Variants in VMP1 observed in about 807,000 individuals in gnomAD.
VMP1 encodes the protein vacuole membrane protein 1.
Under a neutral mutation model 56.0 loss-of-function variants are expected in VMP1, and 11 were observed. The observed-to-expected ratio is 0.20, with a 90% CI of 0.12 to 0.32. The LOEUF (loss-of-function observed/expected upper bound fraction) is 0.32. Ranked by LOEUF, VMP1 falls within the 10% of genes least tolerant of loss-of-function variation. The pLI is 1.00. For synonymous variants in VMP1, 149 were observed against 165.0 expected, an observed-to-expected ratio of 0.90 and a Z score of 0.74; for missense variants, 296 against 490.3, an observed-to-expected ratio of 0.60 and a Z score of 3.74.
intron 7 of VMP1, among the ~76,000 whole-genome samples, chr17:59,779,330 G>C (rs543890181): frequency 9.8e-5 from 15 of 152,294 alleles, no homozygotes; most frequent in Admixed American, 7.8e-4. Flanking sequence ...TTTGTCTAGA[G>C]ACTATGTCTC....
chr17:59,722,280 G>A (rs1441942813), intron 1 of VMP1, among the ~76,000 whole-genome samples: 1 of 152,134 alleles, frequency 6.6e-6, no homozygotes. Flanking sequence ...AAAGGTGGAT[G>A]GTAAGATGAT....
intron 6 of VMP1, 37 bp from the exon 7 acceptor site, chr17:59,773,717 C>T (rs2036520299): frequency 6.4e-7 from 1 of 1,556,426 alleles, no homozygotes; most frequent in Non-Finnish European, 8.7e-7. Context: ...CTGTTGATAA[C>T]AGAACCTCAT....
At chr17:59,754,664 G>A (rs1370719964) in intron 5 of VMP1, among the ~76,000 whole-genome samples, 2 of 152,122 alleles carry the variant, frequency 1.3e-5, no homozygotes, top group Non-Finnish European at 2.9e-5. Context: ...ACTCAGTGCT[G>A]TTTCAGGAAG....
rs1266126346 is a variant in VMP1 at position 59,738,857 on chromosome 17, A to G, written c.324A>G (p.Lys108=). 3 of 1,612,762 alleles carry G rather than the reference A, an allele frequency of 1.9e-6. No homozygotes were observed. The highest frequency in any genetic ancestry group is 4.5e-5 in the East Asian group (2 of 44,694). Residue 108 remains lysine, a synonymous_variant, in exon 5 of 12, where the codon AAA becomes AAG. Transcript: ENST00000262291. ...TTCAGTATGTGCAACGTATAGAGAA[A>G]CAGTTTCTTTTGTATGCCTACTGGA... The part of the protein sequence containing the change: ...VHQQYVQRIE[K]QFLLYAYWIG...
chr17:59,758,492 TG>T (rs1331119519), intron 5 of VMP1, among the ~76,000 whole-genome samples: 1 of 151,936 alleles, frequency 6.6e-6, no homozygotes, highest in Non-Finnish European at 1.5e-5. Flanking sequence ...GAGACCAGCC[TG>T]GACAACATAG....
chr17:59,783,848 C>CA (rs1159626136), intron 7 of VMP1, among the ~76,000 whole-genome samples: 1 of 152,078 alleles, frequency 6.6e-6, no homozygotes. Flanking sequence ...TTTTTTATCC[C>CA]AATCTTTTCC....
intron 10 of VMP1, among the ~76,000 whole-genome samples, chr17:59,823,972 A>G (rs1054798347): frequency 1.3e-5 from 2 of 152,218 alleles, no homozygotes; most frequent in African/African-American, 4.8e-5. Context: ...AGAATGAAAA[A>G]TGAATCCCGG....
intron 1 of VMP1, among the ~76,000 whole-genome samples, chr17:59,722,640 A>G (rs939136796): frequency 6.6e-6 from 1 of 152,194 alleles, no homozygotes; most frequent in Non-Finnish European, 1.5e-5. Context: ...CAGGAGTTGA[A>G]GACTAGCGTG....
At chr17:59,792,336 A>G (rs955003227) in intron 7 of VMP1, among the ~76,000 whole-genome samples, 1 of 152,106 alleles carries the variant, frequency 6.6e-6, no homozygotes, top group African/African-American at 2.4e-5. Flanking sequence ...ATTTCCCATA[A>G]TAGAGAAGTT....
At chr17:59,801,262 G>T (rs1323093926) in intron 7 of VMP1, among the ~76,000 whole-genome samples, 1 of 151,280 alleles carries the variant, frequency 6.6e-6, no homozygotes, top group Non-Finnish European at 1.5e-5. Flanking sequence ...GTATGTTGAA[G>T]GGGGAGATCA....
intron 5 of VMP1, among the ~76,000 whole-genome samples, chr17:59,757,343 A>T (rs2035881234): frequency 6.6e-6 from 1 of 152,090 alleles, no homozygotes; most frequent in African/African-American, 2.4e-5. Context: ...TTTGAATTCT[A>T]AGTTTCTCTT....
At chr17:59,798,846 A>T (rs146395422) in intron 7 of VMP1, among the ~76,000 whole-genome samples, 2,191 of 152,338 alleles carry the variant, frequency 0.014, 46 homozygotes, top group African/African-American at 0.049. Flanking sequence ...AGATTGTGCC[A>T]TTACACTCCA....
intron 4 of VMP1, among the ~76,000 whole-genome samples, 195 bp downstream of exon 4, chr17:59,737,738 A>G (rs992165230): frequency 6.6e-6 from 1 of 151,936 alleles, no homozygotes; most frequent in Non-Finnish European, 1.5e-5. Flanking sequence ...CTGAGGATTT[A>G]TATGTGGTGT....
At chr17:59,829,756 A>G (rs2038754102) in intron 10 of VMP1, among the ~76,000 whole-genome samples, 1 of 152,080 alleles carries the variant, frequency 6.6e-6, no homozygotes, top group Non-Finnish European at 1.5e-5. Context: ...CCTCTTTTGT[A>G]CATATAACAG....
At chr17:59,799,158 T>C (rs2037550599) in intron 7 of VMP1, among the ~76,000 whole-genome samples, 2 of 152,328 alleles carry the variant, frequency 1.3e-5, no homozygotes, top group South Asian at 4.1e-4. Flanking sequence ...CCTGCATTGA[T>C]TTTGATAGAT....
At chr17:59,723,911 G>A (rs761466204) in intron 1 of VMP1, among the ~76,000 whole-genome samples, 2 of 152,052 alleles carry the variant, frequency 1.3e-5, no homozygotes, top group Non-Finnish European at 2.9e-5. Flanking sequence ...CACTGCTTTT[G>A]TTATTTAAAA....
chr17:59,809,086 A>C (rs1208686804), intron 8 of VMP1, among the ~76,000 whole-genome samples: 3 of 149,874 alleles, frequency 2.0e-5, no homozygotes, highest in African/African-American at 7.4e-5. Flanking sequence ...TGCAACCTCC[A>C]TCTCCTGGGC....
At chr17:59,787,014 A>C (rs181304054) in intron 7 of VMP1, among the ~76,000 whole-genome samples, 2 of 152,336 alleles carry the variant, frequency 1.3e-5, no homozygotes, top group East Asian at 3.9e-4. Flanking sequence ...GGCCTGGTAG[A>C]TAGTCTTTCA....
intron 7 of VMP1, among the ~76,000 whole-genome samples, chr17:59,789,793 T>A (rs2037153057): frequency 6.6e-6 from 1 of 151,468 alleles, no homozygotes; most frequent in South Asian, 2.1e-4. Flanking sequence ...GTTCTTTCTC[T>A]TTCTTTTCTT....
Sources: allele counts gnomAD v4.1 joint callset (sites outside exome capture counted in the v4.1 genomes callset), GRCh38; gene constraint gnomAD v4.1.1; transcripts MANE v1.5; gene names NCBI Gene and HGNC (gene_info 2026-07-23, HGNC 2026-07-21).